CCNJL: variants seen among roughly 807,000 people sequenced by gnomAD.
CCNJL encodes cyclin J like.
A neutral mutation model predicts 33.4 loss-of-function variants in CCNJL; 33 were observed. The ratio of observed to expected loss-of-function variants is 0.99; its 90% confidence interval spans 0.75 to 1.32. The LOEUF (loss-of-function observed/expected upper bound fraction) is 1.32, where lower values mean the gene tolerates loss of function less well. Ranked by LOEUF, CCNJL falls within the 40% of genes most tolerant of loss-of-function variation. CCNJL has a pLI of 0.00. For synonymous variants in CCNJL, 227 were observed against 220.9 expected, an observed-to-expected ratio of 1.03 and a Z score of -0.24; for missense variants, 512 against 499.7, an observed-to-expected ratio of 1.02 and a Z score of -0.23.
chr5:160,288,642 G>A (rs10065845), intron 2 of CCNJL, among the ~76,000 whole-genome samples: 2,707 of 151,934 alleles, frequency 0.018, 81 homozygotes, highest in African/African-American at 0.062. Context: ...AGGCTGAGGC[G>A]GGCGGATCAC....
chr5:160,314,779 G>A (rs953689473), upstream of CCNJL, among the ~76,000 whole-genome samples: 2 of 152,166 alleles, frequency 1.3e-5, no homozygotes, highest in East Asian at 1.9e-4. Flanking sequence ...TAGGTATGCC[G>A]TCAGAGAAGG....
intron 2 of CCNJL, among the ~76,000 whole-genome samples, chr5:160,283,463 C>T (rs1580983749): frequency 6.6e-6 from 1 of 152,074 alleles, no homozygotes; most frequent in East Asian, 1.9e-4. Flanking sequence ...AACAACTAAA[C>T]TGCATATTTT....
At chr5:160,276,514 A>T (rs1301807859) in intron 3 of CCNJL, 1 of 152,254 alleles carries the variant, frequency 6.6e-6, no homozygotes, top group Non-Finnish European at 1.5e-5. Flanking sequence ...GAACAATGCT[A>T]GACACAAATG....
At chr5:160,271,373 T>TA (rs777406496) in intron 3 of CCNJL, among the ~76,000 whole-genome samples, 2 of 151,526 alleles carry the variant, frequency 1.3e-5, no homozygotes, top group African/African-American at 4.9e-5. Context: ...AAAATTAAAA[T>TA]AAAAAAAAGC....
chr5:160,278,160 G>C (rs1265479285), intron 3 of CCNJL, among the ~76,000 whole-genome samples: 1 of 152,100 alleles, frequency 6.6e-6, no homozygotes, highest in Non-Finnish European at 1.5e-5. Flanking sequence ...GACTGGCCTG[G>C]CTAATATTTT....
At chr5:160,268,123 T>C (rs527731428) in intron 3 of CCNJL, among the ~76,000 whole-genome samples, 12 of 152,190 alleles carry the variant, frequency 7.9e-5, no homozygotes, top group Non-Finnish European at 1.6e-4. Context: ...TTCCTACTCT[T>C]GGCAAAAAAA....
chr5:160,331,222 CTT>C (rs574507230), intron 1 of CCNJL, among the ~76,000 whole-genome samples: 25 of 131,394 alleles, frequency 1.9e-4, no homozygotes, highest in South Asian at 2.3e-4. Context: ...TTCTTTCTTT[CTT>C]TTTTTTTTTT....
intron 2 of CCNJL, among the ~76,000 whole-genome samples, chr5:160,288,918 G>C (rs1325346252): frequency 2.6e-5 from 4 of 151,668 alleles, no homozygotes; most frequent in Non-Finnish European, 5.9e-5. Context: ...GGTTCTACCT[G>C]GATTCTTCAG....
chr5:160,257,484 A>C (rs1262745177), intron 4 of CCNJL, among the ~76,000 whole-genome samples: 1 of 151,746 alleles, frequency 6.6e-6, no homozygotes, highest in Admixed American at 6.6e-5. Flanking sequence ...CAAAAAATAA[A>C]AATAAAAAAT....
At chr5:160,339,475 A>C (rs889944751) in exon 1 of CCNJL, 17 of 453,242 alleles carry the variant, frequency 3.8e-5, no homozygotes, top group Non-Finnish European at 7.1e-5. Flanking sequence ...TTTCAGTACC[A>C]TTTCAGCCTC....
chr5:160,326,585 G>T, intron 1 of CCNJL: 4 of 400,808 alleles, frequency 1.0e-5, no homozygotes, highest in East Asian at 6.2e-5. Flanking sequence ...TAAATTAAAT[G>T]ATCAACTCTA....
chr5:160,270,139 T>C (rs1761772869), intron 3 of CCNJL, among the ~76,000 whole-genome samples: 2 of 151,646 alleles, frequency 1.3e-5, no homozygotes, highest in South Asian at 2.1e-4. Flanking sequence ...GGCAAAACCT[T>C]GTCTCTACCA....
chr5:160,311,259 C>A (rs1218251748), intron 2 of CCNJL, among the ~76,000 whole-genome samples: 1 of 152,098 alleles, frequency 6.6e-6, no homozygotes, highest in Non-Finnish European at 1.5e-5. Flanking sequence ...CCTCAGCCTC[C>A]CTGTTTTGTA....
intron 2 of CCNJL, among the ~76,000 whole-genome samples, chr5:160,289,247 T>C (rs1433169307): frequency 1.3e-5 from 2 of 151,812 alleles, no homozygotes; most frequent in Non-Finnish European, 2.9e-5. Flanking sequence ...CAGAAGGGGG[T>C]TTCCATGAGG....
At chr5:160,315,519 C>A, upstream of CCNJL, 2 of 323,754 alleles carry the variant, frequency 6.2e-6, no homozygotes, top group Non-Finnish European at 6.7e-6. Flanking sequence ...AAAACAAAAA[C>A]AAAAACAAGA....
intron 2 of CCNJL, among the ~76,000 whole-genome samples, chr5:160,306,951 G>A (rs548844190): frequency 6.6e-6 from 1 of 152,210 alleles, no homozygotes; most frequent in African/African-American, 2.4e-5. Flanking sequence ...TACCTGACAG[G>A]AGAACATGCA....
At chr5:160,290,455 C>T (rs536924729) in intron 2 of CCNJL, among the ~76,000 whole-genome samples, 11 of 152,012 alleles carry the variant, frequency 7.2e-5, no homozygotes, top group African/African-American at 1.2e-4. Flanking sequence ...TTAGTAGAGA[C>T]GGGGTTTTCA....
intron 1 of CCNJL, among the ~76,000 whole-genome samples, chr5:160,325,574 G>C (rs1763524839): frequency 6.6e-6 from 1 of 152,106 alleles, no homozygotes; most frequent in Admixed American, 6.5e-5. Context: ...AGGGGAATTT[G>C]TCACTCTTTT....
chr5:160,333,972 TA>T (rs563551980), intron 1 of CCNJL, among the ~76,000 whole-genome samples: 103 of 152,270 alleles, frequency 6.8e-4, no homozygotes, highest in Non-Finnish European at 1.2e-3. Context: ...TTCAGTTCCT[TA>T]AAGTCCTATC....
Sources: gnomAD v4.1 joint callset for allele counts (sites outside exome capture counted in the v4.1 genomes callset) on GRCh38, gnomAD v4.1.1 for gene constraint, MANE v1.5 for transcripts, NCBI Gene and HGNC (gene_info 2026-07-23, HGNC 2026-07-21) for gene names.